SMYD3: variants seen among roughly 807,000 people sequenced by gnomAD.
SMYD3 encodes the protein SET and MYND domain containing 3, also known as histone-lysine N-methyltransferase SMYD3.
A neutral mutation model predicts 57.7 loss-of-function variants in SMYD3; 36 were observed. The observed-to-expected ratio is 0.62, with a 90% CI of 0.48 to 0.82. SMYD3 has a LOEUF of 0.82. SMYD3 is among the 40% of genes least tolerant of loss of function. The pLI, the probability that SMYD3 is intolerant of heterozygous loss-of-function variation, is 0.00. For missense variants in SMYD3, 515 were observed against 538.8 expected (o/e 0.96, Z 0.44); for synonymous variants, 211 against 195.0 (o/e 1.08, Z -0.68).
At chr1:246,492,932 T>G (rs1247467343) in intron 1 of SMYD3, among the ~76,000 whole-genome samples, 2 of 152,230 alleles carry the variant, frequency 1.3e-5, no homozygotes, top group Admixed American at 1.3e-4. Flanking sequence ...AAGGGTTTAA[T>G]CCTTATGTTT....
chr1:246,165,801 CAAT>C (rs1325992575), intron 5 of SMYD3, among the ~76,000 whole-genome samples: 57 of 152,062 alleles, frequency 3.7e-4, no homozygotes, highest in Non-Finnish European at 5.9e-5. Flanking sequence ...GAAATTTTTA[CAAT>C]GAGACAATAA....
chr1:245,973,413 T>C (rs1262751142), intron 5 of SMYD3, among the ~76,000 whole-genome samples: 1 of 152,198 alleles, frequency 6.6e-6, no homozygotes, highest in Non-Finnish European at 1.5e-5. Context: ...CACCAAATAT[T>C]TGTGAAACCA....
At chr1:245,896,862 G>T (rs2053844183) in intron 8 of SMYD3, among the ~76,000 whole-genome samples, 1 of 147,184 alleles carries the variant, frequency 6.8e-6, no homozygotes, top group Admixed American at 6.9e-5. Flanking sequence ...CTTGGGGGAG[G>T]CAAAACTACC....
At chr1:246,069,725 G>A (rs1187683364) in intron 5 of SMYD3, among the ~76,000 whole-genome samples, 1 of 152,176 alleles carries the variant, frequency 6.6e-6, no homozygotes, top group African/African-American at 2.4e-5. Flanking sequence ...GGCTTCCTCT[G>A]AAGAATCCTG....
chr1:245,881,851 C>T (rs1238091927), intron 8 of SMYD3, among the ~76,000 whole-genome samples: 3 of 152,080 alleles, frequency 2.0e-5, no homozygotes, highest in Non-Finnish European at 2.9e-5. Flanking sequence ...CACAAAGCTA[C>T]AGGAAGATGA....
At chr1:245,778,863 C>G (rs923083996) in intron 10 of SMYD3, among the ~76,000 whole-genome samples, 1 of 151,954 alleles carries the variant, frequency 6.6e-6, no homozygotes, top group Admixed American at 6.6e-5. Context: ...GTAAAAGATA[C>G]ATTTAAAAAA....
intron 5 of SMYD3, among the ~76,000 whole-genome samples, chr1:245,984,424 C>A (rs1258377705): frequency 6.6e-6 from 1 of 152,202 alleles, no homozygotes; most frequent in Non-Finnish European, 1.5e-5. Flanking sequence ...TGTGCCTGCG[C>A]CCGCAGAAGC....
intron 5 of SMYD3, among the ~76,000 whole-genome samples, chr1:246,070,987 T>C (rs1320555484): frequency 6.6e-6 from 1 of 152,234 alleles, no homozygotes; most frequent in African/African-American, 2.4e-5. Flanking sequence ...TTCAAGTAAG[T>C]AGGCTCCAAA....
At chr1:246,052,103 T>G (rs1283535056) in intron 5 of SMYD3, among the ~76,000 whole-genome samples, 1 of 152,224 alleles carries the variant, frequency 6.6e-6, no homozygotes, top group Admixed American at 6.5e-5. Context: ...GCATCATGCC[T>G]TTTAACATTT....
intron 5 of SMYD3, among the ~76,000 whole-genome samples, chr1:246,242,186 G>T (rs1166065366): frequency 6.6e-6 from 1 of 152,036 alleles, no homozygotes; most frequent in African/African-American, 2.4e-5. Context: ...TGATGTTAGG[G>T]TGTCAATTTT....
intron 5 of SMYD3, among the ~76,000 whole-genome samples, chr1:246,230,647 G>T (rs1219074985): frequency 6.6e-6 from 1 of 152,254 alleles, no homozygotes; most frequent in East Asian, 1.9e-4. Context: ...TTTTGTCAAA[G>T]AATAGTATCA....
intron 10 of SMYD3, among the ~76,000 whole-genome samples, chr1:245,839,417 C>T (rs1345376909): frequency 6.6e-6 from 1 of 152,094 alleles, no homozygotes; most frequent in African/African-American, 2.4e-5. Context: ...GATCCGCCCA[C>T]CTCGGCCTCC....
At chr1:246,372,164 C>T (rs1287235381) in intron 1 of SMYD3, among the ~76,000 whole-genome samples, 4 of 152,156 alleles carry the variant, frequency 2.6e-5, no homozygotes, top group Non-Finnish European at 5.9e-5. Context: ...TACAAATTCT[C>T]ATCGATTTTT....
At chr1:246,266,038 G>C (rs918027100) in intron 5 of SMYD3, among the ~76,000 whole-genome samples, 6 of 152,070 alleles carry the variant, frequency 3.9e-5, no homozygotes, top group African/African-American at 1.4e-4. Flanking sequence ...TTTTGAGCTC[G>C]CAATCATTTG....
chr1:245,872,383 G>A (rs2052248167), intron 8 of SMYD3, among the ~76,000 whole-genome samples: 1 of 150,252 alleles, frequency 6.7e-6, no homozygotes, highest in East Asian at 2.0e-4. Flanking sequence ...TGAGCTGGCC[G>A]ACCCCAGGAT....
intron 1 of SMYD3, among the ~76,000 whole-genome samples, chr1:246,402,456 A>C (rs1462087346): frequency 1.3e-5 from 2 of 151,386 alleles, no homozygotes; most frequent in Non-Finnish European, 1.5e-5. Flanking sequence ...ATCAAACTAA[A>C]TAGAAGGGTT....
chr1:246,307,288 A>C (rs1158040164), intron 5 of SMYD3, among the ~76,000 whole-genome samples: 1 of 152,100 alleles, frequency 6.6e-6, no homozygotes, highest in African/African-American at 2.4e-5. Context: ...CTTTCTCTTC[A>C]TGTCTTTCTA....
chr1:246,034,201 C>G (rs10924455), intron 5 of SMYD3, among the ~76,000 whole-genome samples: 2 of 152,126 alleles, frequency 1.3e-5, no homozygotes, highest in African/African-American at 2.4e-5. Context: ...CAAATGAAGA[C>G]GTAACTCCAT....
chr1:246,496,426 T>A (rs2068364809), intron 1 of SMYD3, among the ~76,000 whole-genome samples: 1 of 152,196 alleles, frequency 6.6e-6, no homozygotes, highest in Admixed American at 6.5e-5. Context: ...TATCAATCTA[T>A]CTTATCCCCT....
Sources: allele counts gnomAD v4.1 joint callset (sites outside exome capture counted in the v4.1 genomes callset), GRCh38; gene constraint gnomAD v4.1.1; transcripts MANE v1.5; gene names NCBI Gene and HGNC (gene_info 2026-07-23, HGNC 2026-07-21).